The following GRIK3 variants were observed in gnomAD, a reference collection of about 807,000 sequenced individuals.
The protein encoded by GRIK3 is glutamate ionotropic receptor kainate type subunit 3, also known as glutamate receptor ionotropic, kainate 3.
Under a neutral mutation model 102.5 loss-of-function variants are expected in GRIK3, and 29 were observed. The observed-to-expected ratio is 0.28, with a 90% confidence interval of 0.21 to 0.39. The LOEUF is 0.39. Among genes scored for constraint, GRIK3 ranks in the 10% least tolerant of loss-of-function variants. GRIK3 has a pLI of 1.00. For synonymous variants in GRIK3, 511 were observed against 504.9 expected (o/e 1.01, Z -0.16); for missense variants, 908 against 1,252.4 (o/e 0.73, Z 4.15).
chr1:36,841,871 G>A lies in GRIK3; in HGVS notation c.1395C>T (p.Tyr465=), dbSNP rs2124216881. ...CCAGCTCCTTTAGCAGGTCGATGCA[G>A]TAGCCCTCGAACCGGTCATTCCCGT... ...TLYGNDRFEG[Y]CIDLLKELAH... The change falls in exon 10 of 16, where the codon TAC becomes TAT. Residue 465 remains tyrosine, a synonymous_variant. Transcript: ENST00000373091. 6.2e-7 allele frequency: 1 copy of A among 1,614,176 alleles called. No homozygotes were observed. The highest frequency in any genetic ancestry group is 8.5e-7 in the Non-Finnish European group (1 of 1,179,990).
intron 1 of GRIK3, among the ~76,000 whole-genome samples, chr1:37,017,404 A>G (rs78267245): frequency 0.06 from 8,734 of 146,352 alleles, 1,162 homozygotes; most frequent in African/African-American, 0.22. Flanking sequence ...AAGAAGAAGA[A>G]AAAAAGGTGT....
chr1:36,852,584 T>C (rs1640597976), intron 8 of GRIK3, among the ~76,000 whole-genome samples: 1 of 152,200 alleles, frequency 6.6e-6, no homozygotes, highest in Non-Finnish European at 1.5e-5. Context: ...CATCTGTGTG[T>C]ACACTCTGGA....
At chr1:36,833,398 C>A (rs1189446499) in intron 10 of GRIK3, among the ~76,000 whole-genome samples, 1 of 152,238 alleles carries the variant, frequency 6.6e-6, no homozygotes, top group Non-Finnish European at 1.5e-5. Flanking sequence ...TCATTCCCAC[C>A]TCAGAGAGGT....
chr1:36,897,070 T>C (rs979269452), intron 1 of GRIK3, among the ~76,000 whole-genome samples: 5 of 152,184 alleles, frequency 3.3e-5, no homozygotes, highest in Admixed American at 2.6e-4. Context: ...TGAAAGCTTT[T>C]CCTCTAAGAT....
At chr1:36,851,484 C>G (rs374643518) in intron 8 of GRIK3, among the ~76,000 whole-genome samples, 38 of 152,378 alleles carry the variant, frequency 2.5e-4, no homozygotes, top group African/African-American at 8.9e-4. Context: ...GGGCTGAGCT[C>G]AGAGCCAAGC....
chr1:36,981,295 G>A (rs368835832), intron 1 of GRIK3, among the ~76,000 whole-genome samples: 1 of 152,162 alleles, frequency 6.6e-6, no homozygotes, highest in Non-Finnish European at 1.5e-5. Flanking sequence ...GTGCCCACCC[G>A]CCATTGCCAC....
At chr1:36,814,191 T>G (rs1329580999) in intron 13 of GRIK3, among the ~76,000 whole-genome samples, 1 of 152,070 alleles carries the variant, frequency 6.6e-6, no homozygotes, top group East Asian at 1.9e-4. Context: ...GGCTAGCTTC[T>G]TGGAAGCCAA....
At chr1:36,981,501 A>G (rs771109401) in intron 1 of GRIK3, among the ~76,000 whole-genome samples, 2 of 152,244 alleles carry the variant, frequency 1.3e-5, no homozygotes, top group Non-Finnish European at 2.9e-5. Flanking sequence ...ACAGCCACAC[A>G]GTAAGATGGA....
At chr1:36,816,416 A>C (rs1642629624) in intron 13 of GRIK3, among the ~76,000 whole-genome samples, 1 of 152,194 alleles carries the variant, frequency 6.6e-6, no homozygotes, top group East Asian at 1.9e-4. Context: ...CTAAGCCCTC[A>C]GCTACTCCAG....
At chr1:36,824,096 G>A (rs1038703420) in intron 11 of GRIK3, among the ~76,000 whole-genome samples, 1 of 152,040 alleles carries the variant, frequency 6.6e-6, no homozygotes, top group African/African-American at 2.4e-5. Flanking sequence ...GCAGCTCTAG[G>A]AAACCCATCT....
At chr1:36,855,453 T>G (rs1640640987) in intron 7 of GRIK3, among the ~76,000 whole-genome samples, 1 of 152,224 alleles carries the variant, frequency 6.6e-6, no homozygotes, top group African/African-American at 2.4e-5. Context: ...TCCAAGGTAC[T>G]TTTACAGGTA....
intron 1 of GRIK3, among the ~76,000 whole-genome samples, chr1:36,904,232 A>G (rs1641260783): frequency 6.6e-6 from 1 of 152,260 alleles, no homozygotes; most frequent in Non-Finnish European, 1.5e-5. Flanking sequence ...TACAGTTTGT[A>G]ACACTTAAGT....
chr1:36,981,257 A>G (rs1570842364), intron 1 of GRIK3, among the ~76,000 whole-genome samples: 1 of 152,172 alleles, frequency 6.6e-6, no homozygotes, highest in African/African-American at 2.4e-5. Flanking sequence ...AAGTGGCTGG[A>G]GGGCAGGTGA....
At chr1:36,959,280 G>A (rs551586960) in intron 1 of GRIK3, among the ~76,000 whole-genome samples, 1 of 118,892 alleles carries the variant, frequency 8.4e-6, no homozygotes, top group South Asian at 3.1e-4. Context: ...CCGTGAGCCT[G>A]TGCCTGTGAG....
intron 4 of GRIK3, among the ~76,000 whole-genome samples, chr1:36,870,958 C>T (rs1640836067): frequency 6.6e-6 from 1 of 152,096 alleles, no homozygotes; most frequent in Admixed American, 6.6e-5. Flanking sequence ...GCACTGGGCA[C>T]AGCTGATCGG....
intron 1 of GRIK3, among the ~76,000 whole-genome samples, chr1:37,029,282 G>C (rs1176023638): frequency 6.6e-6 from 1 of 152,260 alleles, no homozygotes; most frequent in African/African-American, 2.4e-5. Flanking sequence ...ACAAGCGAGT[G>C]CCTGCTGGGT....
intron 10 of GRIK3, among the ~76,000 whole-genome samples, chr1:36,840,175 G>T (rs1009604734): frequency 1.3e-5 from 2 of 152,072 alleles, no homozygotes; most frequent in Non-Finnish European, 1.5e-5. Flanking sequence ...TGTAAAATGG[G>T]TGTTAATAAC....
chr1:36,821,505 T>A (rs945445004), intron 11 of GRIK3, among the ~76,000 whole-genome samples: 2 of 151,806 alleles, frequency 1.3e-5, no homozygotes, highest in African/African-American at 4.8e-5. Context: ...AGGGCAGGGG[T>A]CGGGCTGATG....
intron 1 of GRIK3, among the ~76,000 whole-genome samples, chr1:36,997,835 G>A (rs1240260751): frequency 1.3e-5 from 2 of 152,158 alleles, no homozygotes; most frequent in Non-Finnish European, 2.9e-5. Flanking sequence ...AGCCTGGGAG[G>A]GTTTGGAGCT....
Sources: allele counts gnomAD v4.1 joint callset (sites outside exome capture counted in the v4.1 genomes callset), GRCh38; gene constraint gnomAD v4.1.1; transcripts MANE v1.5; gene names NCBI Gene and HGNC (gene_info 2026-07-23, HGNC 2026-07-21).